DPF3: variants seen among roughly 807,000 people sequenced by gnomAD.
DPF3 encodes the protein zinc finger protein DPF3.
Under a neutral mutation model 56.8 loss-of-function variants are expected in DPF3, and 18 were observed. The observed-to-expected ratio is 0.32, with a 90% CI of 0.22 to 0.47. DPF3 has a LOEUF of 0.47. Among genes scored for constraint, DPF3 ranks in the 20% least tolerant of loss-of-function variants. The probability of loss-of-function intolerance (pLI) is 1.00; values close to 1 mark genes in which losing one functional copy is unlikely to be tolerated. For missense variants in DPF3, 403 were observed against 488.8 expected (o/e 0.82, Z 1.65); for synonymous variants, 188 against 180.2 (o/e 1.04, Z -0.35).
intron 3 of DPF3, among the ~76,000 whole-genome samples, chr14:72,749,869 G>T (rs1162748491): frequency 1.3e-5 from 2 of 149,572 alleles, no homozygotes; most frequent in African/African-American, 2.5e-5. Flanking sequence ...GAAAAGAAAA[G>T]AAAAAAAAGT....
At chr14:72,716,507 C>T (rs1268861453) in intron 5 of DPF3, among the ~76,000 whole-genome samples, 1 of 152,124 alleles carries the variant, frequency 6.6e-6, no homozygotes, top group Admixed American at 6.5e-5. Context: ...CCACTCACAC[C>T]CTCTCCATTG....
rs145736998 is a variant in DPF3, at chr14:72,621,010, G to A, written c.985-1026C>T. Among the ~76,000 whole-genome samples, 601 of 152,066 alleles carry A rather than the reference G, an allele frequency of 4.0e-3. 9 individuals are homozygous for A. The highest frequency in any genetic ancestry group is 0.013 in the African/African-American group (556 of 41,508). On this transcript the variant is annotated intron_variant, in intron 9 of 10. Transcript: ENST00000556509. ...ACAAAAATTAGCCAGGCATGGTGGCGTGCACCTGTAATCCCAGCTACTCAG... is the reference window on the plus strand; with the variant it reads ...ACAAAAATTAGCCAGGCATGGTGGCATGCACCTGTAATCCCAGCTACTCAG...
At chr14:72,812,754 C>T (rs779117933) in intron 1 of DPF3, among the ~76,000 whole-genome samples, 9 of 152,096 alleles carry the variant, frequency 5.9e-5, no homozygotes, top group Non-Finnish European at 1.2e-4. Flanking sequence ...GCAATGCGTC[C>T]GGGAGGCTGG....
intron 2 of DPF3, among the ~76,000 whole-genome samples, chr14:72,766,672 G>A (rs781145160): frequency 6.6e-5 from 10 of 152,064 alleles, no homozygotes; most frequent in Non-Finnish European, 1.3e-4. Flanking sequence ...GGCTAGTTTC[G>A]AACTCCTGGG....
At position 72,674,375 on chromosome 14, in the gene DPF3, G is replaced by C. The variant is rs756501239; in HGVS notation, c.743-7C>G. 1 of 1,611,310 alleles carries C rather than the reference G, an allele frequency of 6.2e-7. No individual in the cohort carries two copies. The highest frequency in any genetic ancestry group is 1.1e-5 in the South Asian group (1 of 90,304). On this transcript the variant is annotated splice_polypyrimidine_tract_variant and splice_region_variant and intron_variant, in intron 7 of 10. Coordinates refer to ENST00000556509, the MANE Select transcript of DPF3 (RefSeq NM_001280542.3). Reference sequence around the variant, plus strand: ...CCATCCGGTCCTTTCTGGGCTGTGGGAACATTTAAAACATTCCAATTTCAG... The same window carrying C: ...CCATCCGGTCCTTTCTGGGCTGTGGCAACATTTAAAACATTCCAATTTCAG...
chr14:72,789,699 T>A (rs1489351141), intron 1 of DPF3, among the ~76,000 whole-genome samples: 1 of 152,022 alleles, frequency 6.6e-6, no homozygotes, highest in African/African-American at 2.4e-5. Context: ...CAGCTAATTT[T>A]TTTTTCTTTT....
chr14:72,835,906 C>G (rs1884272694), intron 1 of DPF3, among the ~76,000 whole-genome samples: 1 of 152,184 alleles, frequency 6.6e-6, no homozygotes, highest in Non-Finnish European at 1.5e-5. Flanking sequence ...CCACCAAAAA[C>G]CAACCTCATG....
chr14:72,825,352 A>G (rs1021044999), intron 1 of DPF3, among the ~76,000 whole-genome samples: 4 of 152,258 alleles, frequency 2.6e-5, no homozygotes, highest in African/African-American at 9.6e-5. Context: ...ACCCACAAGG[A>G]GCAACCTGGT....
chr14:72,838,123 T>C (rs998542105), intron 1 of DPF3, among the ~76,000 whole-genome samples: 24 of 152,194 alleles, frequency 1.6e-4, no homozygotes, highest in African/African-American at 5.3e-4. Flanking sequence ...ACTGTCCCTG[T>C]AGCCAGCTAA....
chr14:72,753,156 G>A, intron 3 of DPF3, 108 bp downstream of exon 3: 1 of 972,536 alleles, frequency 1.0e-6, no homozygotes, highest in Non-Finnish European at 1.5e-6. Context: ...CCCTCTCCCA[G>A]AAAACTTAGC....
At chr14:72,805,347 G>GTAAT (rs1882720413) in intron 1 of DPF3, among the ~76,000 whole-genome samples, 1 of 151,980 alleles carries the variant, frequency 6.6e-6, no homozygotes, top group Admixed American at 6.6e-5. Context: ...GCAGGTAACT[G>GTAAT]TAATCCCAGC....
intron 1 of DPF3, among the ~76,000 whole-genome samples, chr14:72,856,007 A>G (rs2140090373): frequency 6.6e-6 from 1 of 152,282 alleles, no homozygotes; most frequent in Middle Eastern, 3.4e-3. Flanking sequence ...GGTGAATTGT[A>G]AAGAAAGAAA....
chr14:72,680,806 C>T (rs1887132918), intron 7 of DPF3, among the ~76,000 whole-genome samples: 1 of 152,226 alleles, frequency 6.6e-6, no homozygotes, highest in Non-Finnish European at 1.5e-5. Flanking sequence ...CCTCTGCACA[C>T]AGGGAAGGGC....
chr14:72,620,643 A>T (rs1340305097), intron 9 of DPF3, among the ~76,000 whole-genome samples: 1 of 152,094 alleles, frequency 6.6e-6, no homozygotes, highest in Non-Finnish European at 1.5e-5. Flanking sequence ...CCAGGCCCTG[A>T]CCCTTTCTCT....
In DPF3 at chr14:72,671,730, G is replaced by A. The variant is rs140184963; in HGVS notation, c.871+2510C>T. Reference sequence around the variant, plus strand: ...GATTTCTTTGGTGTTTTCTGTTGGTGTTTCTTTGAACAATGTTTGTCCTTC... The same window carrying A: ...GATTTCTTTGGTGTTTTCTGTTGGTATTTCTTTGAACAATGTTTGTCCTTC... On this transcript the variant is annotated intron_variant, in intron 8 of 10. Transcript: ENST00000556509. Among the ~76,000 whole-genome samples, 43 of 152,310 alleles carry A rather than the reference G, an allele frequency of 2.8e-4. No homozygotes were observed. In the East Asian group the frequency reaches 8.3e-3, roughly 29 times the overall value.
At position 72,860,750 on chromosome 14, in the gene DPF3, G is replaced by C. The variant is rs970859340; in HGVS notation, c.32+33307C>G. ...ACAGCTAATTTTTGTATTTTTATTA[G>C]AGATGGGGTTTCACCATGTTGGCCA... On this transcript the variant is annotated intron_variant, in intron 1 of 10. Transcript: ENST00000556509. Among the ~76,000 whole-genome samples the C allele has an allele frequency of 2.1e-4, 32 of 151,552 alleles. 1 individual carries two copies. Among genetic ancestry groups the C allele is most frequent in the Non-Finnish European group, 4.4e-5 (3 of 67,920 alleles).
chr14:72,702,072 T>C (rs1888188511), intron 6 of DPF3, among the ~76,000 whole-genome samples: 1 of 152,128 alleles, frequency 6.6e-6, no homozygotes, highest in Admixed American at 6.5e-5. Flanking sequence ...GTTTAAGCAA[T>C]TCTCTGGATG....
At chr14:72,823,081 T>C (rs777456172) in intron 1 of DPF3, among the ~76,000 whole-genome samples, 1 of 152,164 alleles carries the variant, frequency 6.6e-6, no homozygotes. Context: ...ACCAAAGTTT[T>C]AGTCACAAAA....
chr14:72,835,188 G>A lies in DPF3; in HGVS notation c.32+58869C>T, dbSNP rs149591979. Among the ~76,000 whole-genome samples the A allele has an allele frequency of 2.6e-3, 402 of 152,118 alleles. 2 individuals are homozygous for A. Among genetic ancestry groups the A allele is most frequent in the African/African-American group, 4.8e-3 (198 of 41,482 alleles). ...GTTCAAGCAATTCTCCTGCCTCAGC[G>A]TCCTGAGTAGCTGGGATTACAGGTG... On this transcript the variant is annotated intron_variant, in intron 1 of 10. Coordinates refer to ENST00000556509, the MANE Select transcript of DPF3 (RefSeq NM_001280542.3).
Sources: gnomAD v4.1 joint callset for allele counts (sites outside exome capture counted in the v4.1 genomes callset) on GRCh38, gnomAD v4.1.1 for gene constraint, MANE v1.5 for transcripts, NCBI Gene and HGNC (gene_info 2026-07-23, HGNC 2026-07-21) for gene names.